Variants in NRCAM observed in about 807,000 individuals in gnomAD.
NRCAM encodes the protein NgCAM-related cell adhesion molecule.
Under a neutral mutation model 156.5 loss-of-function variants are expected in NRCAM, and 83 were observed. The ratio of observed to expected loss-of-function variants is 0.53; its 90% CI spans 0.44 to 0.64. The LOEUF (loss-of-function observed/expected upper bound fraction) is 0.64. Among genes scored for constraint, NRCAM ranks in the 30% least tolerant of loss-of-function variants. The probability of loss-of-function intolerance (pLI) is 0.00; values close to 1 mark genes in which losing one functional copy is unlikely to be tolerated. For missense variants in NRCAM, 1,417 were observed against 1,597.3 expected, an observed-to-expected ratio of 0.89 and a Z score of 1.92; for synonymous variants, 538 against 563.9, an observed-to-expected ratio of 0.95 and a Z score of 0.65.
At chr7:108,308,440 TA>T (rs1386791368) in intron 3 of NRCAM, among the ~76,000 whole-genome samples, 1 of 152,236 alleles carries the variant, frequency 6.6e-6, no homozygotes, top group Admixed American at 6.5e-5. Flanking sequence ...CTTTGGTGTA[TA>T]AATGCTAAGT....
chr7:108,265,172 C>A (rs2097050852), intron 3 of NRCAM, among the ~76,000 whole-genome samples: 1 of 152,212 alleles, frequency 6.6e-6, no homozygotes, highest in Admixed American at 6.5e-5. Flanking sequence ...TGACAATACC[C>A]AGGGCACATT....
intron 32 of NRCAM, among the ~76,000 whole-genome samples, chr7:108,158,420 A>G (rs1360062409): frequency 6.6e-6 from 1 of 152,190 alleles, no homozygotes. Context: ...TCAGTTCTAC[A>G]TTTTTTATCC....
chr7:108,383,256 T>C (rs1354322503), intron 2 of NRCAM, among the ~76,000 whole-genome samples: 1 of 152,238 alleles, frequency 6.6e-6, no homozygotes, highest in East Asian at 1.9e-4. Context: ...AAAGTGAGAA[T>C]TGGGAGTTAT....
At chr7:108,217,670 G>A (rs1367482893) in intron 11 of NRCAM, among the ~76,000 whole-genome samples, 1 of 152,184 alleles carries the variant, frequency 6.6e-6, no homozygotes, top group African/African-American at 2.4e-5. Flanking sequence ...TTGCTGAGCT[G>A]TGGTAGGCTC....
chr7:108,337,676 C>G (rs895103721), intron 2 of NRCAM, among the ~76,000 whole-genome samples: 1 of 152,152 alleles, frequency 6.6e-6, no homozygotes, highest in Non-Finnish European at 1.5e-5. Context: ...GATTCCATTC[C>G]TTGGAATCTG....
chr7:108,414,974 T>C (rs987515278), intron 1 of NRCAM, among the ~76,000 whole-genome samples: 8 of 152,032 alleles, frequency 5.3e-5, no homozygotes, highest in African/African-American at 1.9e-4. Context: ...CAGAGGGCTG[T>C]GGAGGCAAGA....
intron 2 of NRCAM, among the ~76,000 whole-genome samples, chr7:108,338,452 G>A (rs540523145): frequency 9.2e-5 from 14 of 152,226 alleles, no homozygotes; most frequent in African/African-American, 1.9e-4. Flanking sequence ...TGTCCCTACC[G>A]ATTTAGGTAT....
chr7:108,173,911 A>G (rs1044765303), intron 28 of NRCAM, among the ~76,000 whole-genome samples: 3 of 152,186 alleles, frequency 2.0e-5, no homozygotes, highest in Non-Finnish European at 4.4e-5. Context: ...TTCTAACGTG[A>G]CAAGTCCACT....
At position 108,175,322 on chromosome 7, in the gene NRCAM, CT is replaced by C. The variant is rs1408382636; in HGVS notation, c.3186del (p.Val1063PhefsTer4). On this transcript the variant is annotated frameshift_variant and splice_region_variant, in exon 28 of 33. Transcript: ENST00000379028. LOFTEE classifies it high-confidence loss of function. ...AAGTCATGCAGATGAATTATTTTAC[CT>C]TTGCCTGCACCTACATCAGGTGGAA... ...GILPPDVGAG[K>X]VQAVNPRISN... The C allele has an allele frequency of 1.9e-6, 3 of 1,557,922 alleles. No homozygotes were observed. The highest frequency in any genetic ancestry group is 2.6e-6 in the Non-Finnish European group (3 of 1,150,154).
intron 32 of NRCAM, chr7:108,156,251 A>C: frequency 1.0e-6 from 1 of 976,336 alleles, no homozygotes; most frequent in South Asian, 4.7e-5. Context: ...TGTTCACATG[A>C]ATGACAAGAT....
chr7:108,419,984 T>C (rs1807064873), intron 1 of NRCAM, among the ~76,000 whole-genome samples: 1 of 152,096 alleles, frequency 6.6e-6, no homozygotes, highest in South Asian at 2.1e-4. Context: ...TCTAGTTATT[T>C]GGTAGCAAAC....
At chr7:108,392,701 T>C (rs2099764282) in intron 2 of NRCAM, among the ~76,000 whole-genome samples, 1 of 152,220 alleles carries the variant, frequency 6.6e-6, no homozygotes, top group Admixed American at 6.5e-5. Context: ...TTTGTGGTTT[T>C]ATCTACCTTT....
intron 18 of NRCAM, 146 bp downstream of exon 18, chr7:108,191,583 G>T: frequency 1.0e-6 from 1 of 971,546 alleles, no homozygotes; most frequent in South Asian, 2.2e-5. Context: ...TGCCTCCAAG[G>T]CATCTTTCAA....
Position 108,149,751 on chromosome 7 carries a change from T to C in NRCAM, c.*159A>G, listed in dbSNP as rs1242771953. The C allele has an allele frequency of 4.6e-6, 3 of 653,184 alleles. No individual in the cohort carries two copies. The highest frequency in any genetic ancestry group is 8.0e-6 in the Non-Finnish European group (3 of 374,600). The allele number at this position is 653,184 out of a possible 1,614,324, so 40.5% of individuals were successfully genotyped here. On this transcript the variant is annotated 3_prime_UTR_variant, in exon 33 of 33. Coordinates refer to ENST00000379028, the MANE Select transcript of NRCAM (RefSeq NM_001037132.4). ...CATTCCAGTTCATATTAACATATCA[T>C]TTGACTGAGTTATGTTTTTGCTGTA...
chr7:108,155,093 T>TAC (rs2044256866), intron 32 of NRCAM, among the ~76,000 whole-genome samples: 2 of 86,466 alleles, frequency 2.3e-5, no homozygotes, highest in African/African-American at 1.4e-4. Flanking sequence ...AAGTCATATA[T>TAC]ATATATATAC....
rs369096433 is a variant in NRCAM at position 108,184,126 on chromosome 7, ATAT to A, written c.2304+112_2304+114del. 3.1e-3 allele frequency: 1,673 copies of A among 538,488 alleles called. 21 individuals carry two copies. Among genetic ancestry groups the A allele is most frequent in the African/African-American group, 0.026 (1,018 of 39,616 alleles). 33.4% of individuals were successfully genotyped at this position (538,488 alleles called of 1,614,324 possible). On this transcript the variant is annotated intron_variant, in intron 22 of 32. Transcript: ENST00000379028. ...TATATGTATCTTTATATATATATATATATTTTTTTTCCCCAGAAATAGGTGAAA... is the reference window on the plus strand; with the variant it reads ...TATATGTATCTTTATATATATATATATTTTTTTCCCCAGAAATAGGTGAAA...
intron 20 of NRCAM, among the ~76,000 whole-genome samples, chr7:108,188,109 TAGA>T (rs556365989): frequency 3.0e-4 from 46 of 151,870 alleles, no homozygotes; most frequent in African/African-American, 1.0e-3. Flanking sequence ...GAGGAGTGAG[TAGA>T]AGAAGCCTCA....
At chr7:108,282,007 G>A (rs1404138222) in intron 3 of NRCAM, among the ~76,000 whole-genome samples, 2 of 152,188 alleles carry the variant, frequency 1.3e-5, no homozygotes, top group Non-Finnish European at 2.9e-5. Flanking sequence ...TGCCCCCTGT[G>A]AGTCCTGTCT....
intron 1 of NRCAM, among the ~76,000 whole-genome samples, chr7:108,421,191 C>T (rs529933191): frequency 1.3e-4 from 19 of 151,936 alleles, no homozygotes; most frequent in African/African-American, 4.3e-4. Context: ...GTGTATAAAA[C>T]GTGTAAAACA....
Sources: allele counts gnomAD v4.1 joint callset (sites outside exome capture counted in the v4.1 genomes callset), GRCh38; gene constraint gnomAD v4.1.1; transcripts MANE v1.5; gene names NCBI Gene and HGNC (gene_info 2026-07-23, HGNC 2026-07-21).